The following CDH10 variants were observed in gnomAD, a reference collection of about 807,000 sequenced individuals.
CDH10 encodes the protein cadherin-10.
Under a neutral mutation model 73.1 loss-of-function variants are expected in CDH10, and 30 were observed. That is an observed-to-expected ratio of 0.41 (90% CI 0.31 to 0.56). The LOEUF (loss-of-function observed/expected upper bound fraction) is 0.56, where lower values mean the gene tolerates loss of function less well. Among genes scored for constraint, CDH10 ranks in the 20% least tolerant of loss-of-function variants. The pLI, the probability that CDH10 is intolerant of heterozygous loss-of-function variation, is 0.27. For synonymous variants in CDH10, 345 were observed against 348.2 expected (o/e 0.99, Z 0.10); for missense variants, 815 against 973.7 (o/e 0.84, Z 2.17).
At chr5:24,506,742 C>G (rs1742715659) in intron 7 of CDH10, among the ~76,000 whole-genome samples, 1 of 152,092 alleles carries the variant, frequency 6.6e-6, no homozygotes, top group Admixed American at 6.6e-5. Context: ...GAAAGAATGA[C>G]CTAATTAATT....
intron 2 of CDH10, among the ~76,000 whole-genome samples, chr5:24,592,355 A>C (rs1433682012): frequency 6.6e-6 from 1 of 151,856 alleles, no homozygotes; most frequent in Non-Finnish European, 1.5e-5. Flanking sequence ...TAGTGTTAAC[A>C]TGTGATTTAT....
intron 1 of CDH10, among the ~76,000 whole-genome samples, chr5:24,623,451 G>A (rs568880509): frequency 3.2e-4 from 49 of 152,250 alleles, no homozygotes; most frequent in Admixed American, 8.5e-4. Flanking sequence ...ATTGTAATGT[G>A]CATTCTTAAA....
intron 9 of CDH10, among the ~76,000 whole-genome samples, chr5:24,493,804 A>G (rs1742157665): frequency 6.6e-6 from 1 of 151,970 alleles, no homozygotes; most frequent in Non-Finnish European, 1.5e-5. Context: ...AACTAAAAGC[A>G]ATACACTTTT....
chr5:24,503,037 A>G (rs13163232), intron 8 of CDH10, among the ~76,000 whole-genome samples: 38,489 of 152,038 alleles, frequency 0.25, 5,315 homozygotes, highest in Admixed American at 0.3. Context: ...TTTGAAATTA[A>G]TCTGTATTTC....
At chr5:24,542,613 G>T (rs147474721) in intron 2 of CDH10, among the ~76,000 whole-genome samples, 12 of 152,258 alleles carry the variant, frequency 7.9e-5, no homozygotes, top group African/African-American at 2.6e-4. Flanking sequence ...GCCTAATGAT[G>T]CATTTCTCAG....
At chr5:24,520,575 TA>T (rs1743283473) in intron 5 of CDH10, among the ~76,000 whole-genome samples, 2 of 152,210 alleles carry the variant, frequency 1.3e-5, no homozygotes, top group Non-Finnish European at 2.9e-5. Flanking sequence ...CTGGACTATC[TA>T]AAAGGAGAGG....
chr5:24,519,750 TG>T (rs1743244180), intron 5 of CDH10, among the ~76,000 whole-genome samples: 1 of 152,240 alleles, frequency 6.6e-6, no homozygotes, highest in Non-Finnish European at 1.5e-5. Context: ...AATTGATGGA[TG>T]TTATATTTGA....
At chr5:24,508,579 T>C (rs1243077370) in intron 7 of CDH10, among the ~76,000 whole-genome samples, 2 of 149,436 alleles carry the variant, frequency 1.3e-5, no homozygotes, top group Non-Finnish European at 2.9e-5. Context: ...AGAGCAGTGG[T>C]GTGAATGAAG....
chr5:24,521,924 A>C (rs1403145788), intron 5 of CDH10, among the ~76,000 whole-genome samples: 1 of 152,106 alleles, frequency 6.6e-6, no homozygotes, highest in Non-Finnish European at 1.5e-5. Flanking sequence ...TCACAAGGTC[A>C]GGAGTTTGAG....
At chr5:24,495,668 G>T (rs1425680777) in intron 9 of CDH10, among the ~76,000 whole-genome samples, 2 of 151,848 alleles carry the variant, frequency 1.3e-5, no homozygotes, top group Non-Finnish European at 2.9e-5. Flanking sequence ...CCAACATGGT[G>T]AAACCCTGCC....
chr5:24,568,000 G>T (rs1579819345), intron 2 of CDH10, among the ~76,000 whole-genome samples: 1 of 152,102 alleles, frequency 6.6e-6, no homozygotes, highest in East Asian at 1.9e-4. Flanking sequence ...ATCAAAACAG[G>T]AATGCAAGAA....
intron 5 of CDH10, among the ~76,000 whole-genome samples, chr5:24,518,400 C>T (rs984179149): frequency 2.0e-5 from 3 of 151,762 alleles, no homozygotes; most frequent in Admixed American, 6.6e-5. Flanking sequence ...TATATATGCA[C>T]GTATACACAT....
intron 1 of CDH10, among the ~76,000 whole-genome samples, chr5:24,640,368 A>T (rs1435533285): frequency 6.6e-6 from 1 of 151,716 alleles, no homozygotes; most frequent in Non-Finnish European, 1.5e-5. Context: ...CAGGGCTCTG[A>T]AGTGTTTAGA....
chr5:24,623,515 C>G (rs1190445943), intron 1 of CDH10, among the ~76,000 whole-genome samples: 4 of 152,146 alleles, frequency 2.6e-5, no homozygotes, highest in African/African-American at 4.8e-5. Context: ...GAAATTCTCT[C>G]TTTTCAATCA....
chr5:24,502,324 G>C (rs936436124), intron 8 of CDH10, among the ~76,000 whole-genome samples: 1 of 152,142 alleles, frequency 6.6e-6, no homozygotes, highest in Middle Eastern at 3.2e-3. Context: ...CATATGATGT[G>C]ATATATTTGT....
At chr5:24,536,945 A>G (rs991067681) in intron 3 of CDH10, among the ~76,000 whole-genome samples, 3 of 151,962 alleles carry the variant, frequency 2.0e-5, no homozygotes, top group African/African-American at 4.8e-5. Context: ...CAATTGAAAT[A>G]TGTAGATAGT....
chr5:24,552,044 A>T (rs1414376342), intron 2 of CDH10, among the ~76,000 whole-genome samples: 1 of 152,166 alleles, frequency 6.6e-6, no homozygotes, highest in East Asian at 1.9e-4. Context: ...ATAAACAAGA[A>T]CAAAGTATTC....
intron 1 of CDH10, chr5:24,612,626 T>C (rs1746988128): frequency 6.8e-6 from 1 of 147,440 alleles, no homozygotes; most frequent in African/African-American, 2.7e-5. Context: ...TTATTGGGGG[T>C]AAAACTACAG....
chr5:24,555,126 T>G (rs1744720037), intron 2 of CDH10, among the ~76,000 whole-genome samples: 1 of 152,170 alleles, frequency 6.6e-6, no homozygotes, highest in Admixed American at 6.6e-5. Flanking sequence ...TGATTTAATT[T>G]TTCTAATGTT....
Sources: allele counts gnomAD v4.1 joint callset (sites outside exome capture counted in the v4.1 genomes callset), GRCh38; gene constraint gnomAD v4.1.1; transcripts MANE v1.5; gene names NCBI Gene and HGNC (gene_info 2026-07-23, HGNC 2026-07-21).